Variants in POLE observed in about 807,000 individuals in gnomAD.
POLE encodes the protein DNA polymerase epsilon, catalytic subunit.
Under a neutral mutation model 279.2 loss-of-function variants are expected in POLE, and 188 were observed. The ratio of observed to expected loss-of-function variants is 0.67; its 90% CI spans 0.60 to 0.76. The LOEUF is 0.76. POLE is among the 30% of genes least tolerant of loss of function. The pLI is 0.00. For synonymous variants in POLE, 1,214 were observed against 1,172.5 expected, an observed-to-expected ratio of 1.04 and a Z score of -0.72; for missense variants, 2,703 against 3,016.7, an observed-to-expected ratio of 0.90 and a Z score of 2.44.
rs758618843 is a variant in POLE, at chr12:132,679,975, G to C, written c.402C>G (p.Val134=). The C allele has an allele frequency of 1.2e-6, 2 of 1,613,248 alleles. No individual in the cohort carries two copies. The highest frequency in any genetic ancestry group is 1.1e-5 in the South Asian group (1 of 91,002). ...TCACCAAGTCCAGATCCTCTTTGGG[G>C]ACAGTCTCCACTTTTGCAATTTTGC... ...FQGKIAKVET[V]PKEDLDLPNH... The change falls in exon 5 of 49, where the codon GTC becomes GTG. Residue 134 remains valine, a synonymous_variant. Transcript: ENST00000320574.
chr12:132,631,093 T>A (rs1003944005), intron 45 of POLE, among the ~76,000 whole-genome samples: 1 of 152,240 alleles, frequency 6.6e-6, no homozygotes, highest in East Asian at 1.9e-4. Context: ...AAGCTGTGGT[T>A]TGCCCACACA....
chr12:132,647,302 A>C (rs1279377037), intron 32 of POLE, among the ~76,000 whole-genome samples: 1 of 152,144 alleles, frequency 6.6e-6, no homozygotes, highest in Non-Finnish European at 1.5e-5. Flanking sequence ...CCTTCTCAAA[A>C]ACAGAAACAA....
chr12:132,677,546 T>C (rs778610192), intron 7 of POLE, 32 bp downstream of exon 7: 7 of 1,613,444 alleles, frequency 4.3e-6, no homozygotes, highest in African/African-American at 1.3e-5. Context: ...AGGAAATTCA[T>C]GTGAGCAGCG....
intron 8 of POLE, 100 bp downstream of exon 8, chr12:132,677,263 G>A: frequency 2.3e-6 from 2 of 857,280 alleles, no homozygotes; most frequent in Non-Finnish European, 4.0e-6. Context: ...GGGAAAAGCA[G>A]CAAACATATC....
In POLE at chr12:132,658,881, C is replaced by CAAAAAAAAAAAAAAAAA. The variant is rs1167117347; in HGVS notation, c.3275+397_3275+413dup. Among the ~76,000 whole-genome samples, 105 of 33,834 alleles carry CAAAAAAAAAAAAAAAAA rather than the reference C, an allele frequency of 3.1e-3. 20 individuals are homozygous for CAAAAAAAAAAAAAAAAA. Among genetic ancestry groups the CAAAAAAAAAAAAAAAAA allele is most frequent in the Non-Finnish European group, 4.8e-3 (86 of 17,928 alleles). 22.2% of individuals were successfully genotyped at this position (33,834 alleles called of 152,430 possible). The stretch of plus-strand genomic sequence containing the variant: ...ACTGGTCCTATTTGTATATAACCAC[C>CAAAAAAAAAAAAAAAAA]AAAAAAAAAAAAAAAAAAAAAAAAA... On this transcript the variant is annotated intron_variant, in intron 26 of 48. Transcript: ENST00000320574.
chr12:132,654,976 C>T lies in POLE; in HGVS notation c.3582+2160G>A, dbSNP rs116541929. Among the ~76,000 whole-genome samples the T allele has an allele frequency of 3.8e-3, 575 of 152,232 alleles. 2 individuals carry two copies. Among genetic ancestry groups the T allele is most frequent in the African/African-American group, 0.013 (550 of 41,530 alleles). The stretch of plus-strand genomic sequence containing the variant: ...CCTATTCACAGGTGCCATCATAGCC[C>T]ACTACAACCTCAAATTCCTGGGCTC... On this transcript the variant is annotated intron_variant, in intron 29 of 48. Transcript: ENST00000320574.
At chr12:132,638,188 A>G in intron 40 of POLE, 49 bp from the exon 41 acceptor site, 1 of 1,571,200 alleles carries the variant, frequency 6.4e-7, no homozygotes, top group Non-Finnish European at 8.7e-7. Context: ...AGTCATGGAG[A>G]GCCAGAGGGC....
Position 132,675,486 on chromosome 12 carries a change from C to G in POLE, c.1138G>C (p.Gly380Arg), listed in dbSNP as rs199746481. ...CCTATCTCCTGCTGCATGCTCAGAC[C>G]GTGGACTGCTGCCCGGGCCTCCACA... is the stretch of plus-strand genomic sequence containing the variant. ...PFVEARAAVH[G>R]LSMQQEIGFQ... The change falls in exon 12 of 49, where the codon GGT (glycine) becomes CGT (arginine). Residue 380 changes from glycine to arginine, a missense_variant. Coordinates refer to ENST00000320574, the MANE Select transcript of POLE (RefSeq NM_006231.4). The surrounding 1 kb of genome is among the most constrained non-coding windows in gnomAD (Gnocchi z 4.3). 3.7e-6 allele frequency: 6 copies of G among 1,614,106 alleles called. No homozygotes were observed. Among genetic ancestry groups the G allele is most frequent in the Non-Finnish European group, 5.1e-6 (6 of 1,180,028 alleles).
At chr12:132,631,149 G>A (rs900091974) in intron 45 of POLE, among the ~76,000 whole-genome samples, 6 of 152,170 alleles carry the variant, frequency 3.9e-5, no homozygotes, top group Admixed American at 6.5e-5. Flanking sequence ...ACACACGAGC[G>A]CGTGGATGAA....
intron 40 of POLE, chr12:132,638,764 G>A (rs1034390013): frequency 3.6e-5 from 8 of 223,258 alleles, no homozygotes; most frequent in Admixed American, 5.1e-5. Context: ...TTGTAACAAC[G>A]GCACAAGGCT....
intron 29 of POLE, among the ~76,000 whole-genome samples, chr12:132,655,910 C>T (rs999811881): frequency 9.2e-5 from 14 of 152,058 alleles, no homozygotes; most frequent in Non-Finnish European, 1.8e-4. Context: ...TGCTGTATTT[C>T]CAGCACTTTG....
Position 132,659,474 on chromosome 12 carries a change from G to A in POLE, c.3096C>T (p.Leu1032=), listed in dbSNP as rs200122629. Residue 1032 remains leucine, a synonymous_variant, in exon 26 of 49, where the codon CTC becomes CTT. Transcript: ENST00000320574. Reference sequence around the variant, plus strand: ...GAGACATGGAACGGTTCTCAGAGATGAGCTCGAATAGCTCAGAGTCAGGCA... The same window carrying A: ...GAGACATGGAACGGTTCTCAGAGATAAGCTCGAATAGCTCAGAGTCAGGCA... ...ANMPDSELFE[L]ISENRSMSRK... The A allele has an allele frequency of 5.0e-6, 8 of 1,614,082 alleles. No homozygotes were observed. The Admixed American group carries it at 8.3e-5, about 17-fold the overall frequency.
At position 132,664,154 on chromosome 12, in the gene POLE, GAGAA is replaced by G. The variant is rs1414317993; in HGVS notation, c.2562-10_2562-7del. On this transcript the variant is annotated splice_polypyrimidine_tract_variant and splice_region_variant and intron_variant, in intron 22 of 48. Coordinates refer to ENST00000320574, the MANE Select transcript of POLE (RefSeq NM_006231.4). This position sits in a 1 kb window ranked among gnomAD's most constrained non-coding sequence, Gnocchi z 5.3. ...TGTCCAGCTCTAAGGGCCTCCTTCA[GAGAA>G]AGAGAGGAGCAAGGTCGTGAGTTCC... The G allele has an allele frequency of 1.2e-6, 2 of 1,613,636 alleles. No individual in the cohort carries two copies. Among genetic ancestry groups the G allele is most frequent in the African/African-American group, 1.3e-5 (1 of 74,938 alleles).
rs1365073969 is a variant in POLE at position 132,648,978 on chromosome 12, T to G, written c.4100A>C (p.Tyr1367Ser). 1 of 1,614,082 alleles carries G rather than the reference T, an allele frequency of 6.2e-7. No homozygotes were observed. The highest frequency in any genetic ancestry group is 8.5e-7 in the Non-Finnish European group (1 of 1,179,990). Residue 1367 changes from tyrosine (Y) to serine (S), a missense_variant, in exon 32 of 49, where the codon TAC becomes TCC. Transcript: ENST00000320574. The stretch of plus-strand genomic sequence containing the variant: ...CGCTTTAGCGACTCGCTGGTTCACG[T>G]AGAACACACGGGGGATGCTCAGCCT... Reference protein sequence around the residue: ...CIRLSIPRVFYVNQRVAKAEE... With the variant: ...CIRLSIPRVFSVNQRVAKAEE...
intron 47 of POLE, 124 bp downstream of exon 47, chr12:132,625,521 G>A (rs2041818091): frequency 8.8e-6 from 11 of 1,246,178 alleles, no homozygotes; most frequent in Non-Finnish European, 1.3e-5. Flanking sequence ...CTGGTCTGCA[G>A]GGCAGGCCCC....
At chr12:132,674,718 A>G (rs376193667) in intron 12 of POLE, among the ~76,000 whole-genome samples, 1 of 152,126 alleles carries the variant, frequency 6.6e-6, no homozygotes, top group African/African-American at 2.4e-5. Context: ...TCTCCAAGCC[A>G]AGTGCTGAGC....
chr12:132,648,760 C>T (rs763475556), intron 32 of POLE, 169 bp downstream of exon 32: 10 of 680,330 alleles, frequency 1.5e-5, no homozygotes, highest in Non-Finnish European at 1.9e-5. Context: ...TCCCGGCACT[C>T]GCTCTGCCCC....
intron 41 of POLE, 21 bp from the exon 42 acceptor site, chr12:132,636,045 A>T (rs769038179): frequency 6.2e-7 from 1 of 1,604,240 alleles, no homozygotes; most frequent in Non-Finnish European, 8.5e-7. Context: ...AGCATTGAAG[A>T]CGCTGCTTCA....
chr12:132,639,192 AT>A lies in POLE; in HGVS notation c.5484del (p.Ser1829ProfsTer16), dbSNP rs1555221914. ...AGGGCAGGGTCATGAAGCAGAGAGG[AT>A]GGCGACCGAAGCCAGCGGTAGAAGT... is the stretch of plus-strand genomic sequence containing the variant. ...VMHFYRWLRS[P>X]SSLLHDPALH... is the part of the protein sequence containing the mutation. On this transcript the variant is annotated frameshift_variant, in exon 40 of 49. Transcript: ENST00000320574. LOFTEE classifies it high-confidence loss of function. The surrounding 1 kb of genome is among the most constrained non-coding windows in gnomAD (Gnocchi z 4.7). 6.2e-7 allele frequency: 1 copy of A among 1,614,050 alleles called. No individual in the cohort carries two copies. Among genetic ancestry groups the A allele is most frequent in the Non-Finnish European group, 8.5e-7 (1 of 1,179,986 alleles).
Sources: allele counts gnomAD v4.1 joint callset (sites outside exome capture counted in the v4.1 genomes callset), GRCh38; gene constraint gnomAD v4.1.1; non-coding constraint Gnocchi (gnomAD v3.1); transcripts MANE v1.5; gene names NCBI Gene and HGNC (gene_info 2026-07-23, HGNC 2026-07-21).